MND1: variants seen among roughly 807,000 people sequenced by gnomAD.
MND1 encodes the protein meiotic nuclear division protein 1 homolog.
In MND1, 28 loss-of-function variants were observed where a neutral mutation model predicts 35.1. The observed-to-expected ratio is 0.80, with a 90% CI of 0.59 to 1.09. The LOEUF (loss-of-function observed/expected upper bound fraction) is 1.09. Ranked by LOEUF, MND1 falls within the 50% of genes least tolerant of loss-of-function variation. The pLI, the probability that MND1 is intolerant of heterozygous loss-of-function variation, is 0.00. For synonymous variants in MND1, 69 were observed against 70.5 expected (o/e 0.98, Z 0.11); for missense variants, 213 against 239.6 (o/e 0.89, Z 0.73).
intron 5 of MND1, among the ~76,000 whole-genome samples, chr4:153,396,020 TG>T (rs1729189174): frequency 6.6e-6 from 1 of 152,128 alleles, no homozygotes; most frequent in Non-Finnish European, 1.5e-5. Flanking sequence ...CCACCACACT[TG>T]GTGACAGTGT....
intron 1 of MND1, among the ~76,000 whole-genome samples, chr4:153,349,857 C>T (rs1773167915): frequency 6.6e-6 from 1 of 152,202 alleles, no homozygotes; most frequent in Admixed American, 6.5e-5. Context: ...ATGCCAGGCT[C>T]TGCCTCAATT....
intron 4 of MND1, among the ~76,000 whole-genome samples, chr4:153,384,069 C>A (rs1728781084): frequency 6.6e-6 from 1 of 152,152 alleles, no homozygotes; most frequent in Non-Finnish European, 1.5e-5. Context: ...TGGTTTCTAA[C>A]TGGATTCTGC....
intron 4 of MND1, among the ~76,000 whole-genome samples, chr4:153,375,826 G>A (rs1728487563): frequency 6.6e-6 from 1 of 152,056 alleles, no homozygotes. Context: ...ATAATTTGAG[G>A]TGTAGTGATT....
chr4:153,408,800 T>G (rs1490739317), intron 6 of MND1, among the ~76,000 whole-genome samples, 171 bp from the exon 7 acceptor site: 7 of 150,446 alleles, frequency 4.7e-5, no homozygotes, highest in Non-Finnish European at 5.9e-5. Flanking sequence ...TAAAATACAA[T>G]ATTATGTCAC....
intron 1 of MND1, among the ~76,000 whole-genome samples, chr4:153,349,092 CT>C (rs1273486613): frequency 9.2e-6 from 1 of 108,452 alleles, no homozygotes; most frequent in Non-Finnish European, 1.7e-5. Context: ...ATAGTTCTCA[CT>C]CTTTTTTTTT....
chr4:153,383,519 G>A (rs976619281), intron 4 of MND1, among the ~76,000 whole-genome samples: 8 of 152,138 alleles, frequency 5.3e-5, no homozygotes, highest in Non-Finnish European at 7.4e-5. Flanking sequence ...TTCCTGTCTC[G>A]TTTACCTCCT....
chr4:153,413,015 C>T (rs182461460), intron 7 of MND1, among the ~76,000 whole-genome samples: 127 of 152,168 alleles, frequency 8.3e-4, no homozygotes, highest in African/African-American at 3.0e-3. Context: ...CTATGTCGGC[C>T]AGGATGGTCT....
intron 3 of MND1, among the ~76,000 whole-genome samples, chr4:153,356,616 G>C (rs576738328): frequency 2.0e-5 from 3 of 146,652 alleles, no homozygotes; most frequent in Admixed American, 6.8e-5. Flanking sequence ...AGATTGCCAC[G>C]TTTCTCCACC....
In MND1 at chr4:153,394,320, T is replaced by C. The variant is rs779971638; in HGVS notation, c.335T>C (p.Ile112Thr). The C allele has an allele frequency of 3.7e-6, 6 of 1,612,100 alleles. No homozygotes were observed. The highest frequency in any genetic ancestry group is 1.7e-5 in the Admixed American group (1 of 59,870). Reference sequence around the variant, plus strand: ...CAGAAAAGCATTGAGAAAGCTAAAATTGGCCGATGTGAAACGGTAAGTTTG... The same window carrying C: ...CAGAAAAGCATTGAGAAAGCTAAAACTGGCCGATGTGAAACGGTAAGTTTG... ...SLQKSIEKAK[I>T]GRCETEERTR... Residue 112 changes from isoleucine (I) to threonine (T), a missense_variant, in exon 5 of 8, where the codon ATT (isoleucine) becomes ACT (threonine). By Grantham distance (89) the Ile-to-Thr change is moderately conservative. Transcript: ENST00000240488.
intron 4 of MND1, among the ~76,000 whole-genome samples, chr4:153,371,003 T>C (rs1773776615): frequency 6.6e-6 from 1 of 152,110 alleles, no homozygotes; most frequent in African/African-American, 2.4e-5. Flanking sequence ...GATATTGTGT[T>C]ATTAGGCATG....
chr4:153,403,861 G>A (rs1252743759), intron 6 of MND1, among the ~76,000 whole-genome samples: 2 of 151,974 alleles, frequency 1.3e-5, no homozygotes, highest in Non-Finnish European at 2.9e-5. Context: ...AACCTCTTGG[G>A]CTCAAGCAAT....
chr4:153,384,930 C>T (rs948493646), intron 4 of MND1, among the ~76,000 whole-genome samples: 7 of 152,180 alleles, frequency 4.6e-5, no homozygotes, highest in African/African-American at 1.7e-4. Flanking sequence ...ATGCTGTATT[C>T]TTGCTAGCTT....
At chr4:153,360,368 G>A (rs1293810461) in intron 4 of MND1, among the ~76,000 whole-genome samples, 1 of 151,946 alleles carries the variant, frequency 6.6e-6, no homozygotes, top group South Asian at 2.1e-4. Context: ...CATTCTTTTG[G>A]TGTTGTAACT....
chr4:153,394,215 T>C lies in MND1; in HGVS notation c.277-47T>C, dbSNP rs751511199. 14 of 1,563,902 alleles carry C rather than the reference T, an allele frequency of 9.0e-6. No individual in the cohort carries two copies. In the Admixed American group the frequency reaches 1.7e-4, roughly 19 times the overall value. On this transcript the variant is annotated intron_variant, in intron 4 of 7. Transcript: ENST00000240488. Reference sequence around the variant, plus strand: ...GACTTTGTTTTCATCAACTACTACATGTCAGTTTATCTTAGCAAGCTGTTT... The same window carrying C: ...GACTTTGTTTTCATCAACTACTACACGTCAGTTTATCTTAGCAAGCTGTTT...
At chr4:153,404,346 T>A (rs1295716915) in intron 6 of MND1, among the ~76,000 whole-genome samples, 2 of 72,882 alleles carry the variant, frequency 2.7e-5, no homozygotes. Flanking sequence ...CACGCCCAGC[T>A]TTTTTTTTTT....
chr4:153,413,885 C>CT (rs1369337746), intron 7 of MND1, among the ~76,000 whole-genome samples: 5 of 152,104 alleles, frequency 3.3e-5, no homozygotes, highest in Admixed American at 3.3e-4. Context: ...GTTTTATTTC[C>CT]TTGGGATAAA....
chr4:153,348,675 G>C (rs1020312690), intron 1 of MND1, among the ~76,000 whole-genome samples: 2 of 152,012 alleles, frequency 1.3e-5, no homozygotes, highest in African/African-American at 2.4e-5. Flanking sequence ...GTGTGTGTGG[G>C]CTTTGTTTTG....
At chr4:153,354,014 C>T (rs1396172721) in intron 2 of MND1, among the ~76,000 whole-genome samples, 3 of 152,222 alleles carry the variant, frequency 2.0e-5, no homozygotes, top group African/African-American at 4.8e-5. Context: ...GCCACCATGT[C>T]CAGCCACAGT....
intron 1 of MND1, among the ~76,000 whole-genome samples, chr4:153,345,168 C>T (rs1003516616): frequency 6.6e-6 from 1 of 152,214 alleles, no homozygotes; most frequent in African/African-American, 2.4e-5. Context: ...TGTAGCCCCC[C>T]CCATTAAGAA....
Sources: gnomAD v4.1 joint callset for allele counts (sites outside exome capture counted in the v4.1 genomes callset) on GRCh38, gnomAD v4.1.1 for gene constraint, MANE v1.5 for transcripts, NCBI Gene and HGNC (gene_info 2026-07-23, HGNC 2026-07-21) for gene names.